The following RTN1 variants were observed in gnomAD, a reference collection of about 807,000 sequenced individuals.
The protein encoded by RTN1 is reticulon 1.
A neutral mutation model predicts 65.5 loss-of-function variants in RTN1; 25 were observed. That is an observed-to-expected ratio of 0.38 (90% CI 0.28 to 0.53). The LOEUF is 0.53. Ranked by LOEUF, RTN1 falls within the 20% of genes least tolerant of loss-of-function variation. RTN1 has a pLI of 0.79. For missense variants in RTN1, 983 were observed against 1,025.4 expected (o/e 0.96, Z 0.57); for synonymous variants, 471 against 447.6 (o/e 1.05, Z -0.66).
At chr14:59,605,574 G>C in intron 4 of RTN1, 68 bp from the exon 5 acceptor site, 1 of 1,546,554 alleles carries the variant, frequency 6.5e-7, no homozygotes, top group Non-Finnish European at 8.9e-7. Flanking sequence ...CCGAACCCCA[G>C]TAACAGCTAA....
At position 59,870,625 on chromosome 14, in the gene RTN1, G is replaced by A. The variant is rs1373158014; in HGVS notation, c.6C>T (p.Ala2=). ...GCTCGTCCTGCGGATCCCCCGGCGC[G>A]GCCATGGCTGGCGGTCCCCCGGCGC... The part of the protein sequence containing the change: M[A]APGDPQDELL... The change falls in exon 1 of 9, where the codon GCC becomes GCT. Residue 2 remains alanine, a synonymous_variant. Coordinates refer to ENST00000267484, the MANE Select transcript of RTN1 (RefSeq NM_021136.3). The surrounding 1 kb of genome is among the most constrained non-coding windows in gnomAD (Gnocchi z 5.1). 2.9e-6 allele frequency: 4 copies of A among 1,403,200 alleles called. No homozygotes were observed. Among genetic ancestry groups the A allele is most frequent in the African/African-American group, 3.0e-5 (2 of 66,532 alleles). The allele number at this position is 1,403,200 out of a possible 1,614,324, so 86.9% of individuals were successfully genotyped here.
rs548221779 is a variant in RTN1 at position 59,801,403 on chromosome 14, C to A, written c.242-54922G>T. On this transcript the variant is annotated intron_variant, in intron 1 of 8. Transcript: ENST00000267484. Reference sequence around the variant, plus strand: ...GAGGAAAGATAAGAACTATAACAGCCTTCTTATCAGAAACTATGCAAGCCA... The same window carrying A: ...GAGGAAAGATAAGAACTATAACAGCATTCTTATCAGAAACTATGCAAGCCA... Among the ~76,000 whole-genome samples the A allele has an allele frequency of 9.9e-5, 15 of 152,206 alleles. 1 individual carries two copies. The East Asian group carries it at 1.5e-3, about 16-fold the overall frequency.
rs1884379242 is a variant in RTN1, at chr14:59,709,922, C to T, written c.1765+16997G>A. Among the ~76,000 whole-genome samples, 5 of 152,024 alleles carry T rather than the reference C, an allele frequency of 3.3e-5. 1 individual carries two copies. Among genetic ancestry groups the T allele is most frequent in the Admixed American group, 3.3e-4 (5 of 15,252 alleles). ...TTTCTCATTGTTCAAAGTTAGCTTC[C>T]CATAAAAAATAACCATAGGGCTGAA... On this transcript the variant is annotated intron_variant, in intron 3 of 8. Coordinates refer to ENST00000267484, the MANE Select transcript of RTN1 (RefSeq NM_021136.3).
At chr14:59,768,784 T>A (rs1329464925) in intron 1 of RTN1, among the ~76,000 whole-genome samples, 1 of 152,224 alleles carries the variant, frequency 6.6e-6, no homozygotes, top group Non-Finnish European at 1.5e-5. Context: ...ATTTAACATT[T>A]CTATATGCTA....
chr14:59,616,721 T>C (rs1238198849), intron 3 of RTN1, among the ~76,000 whole-genome samples: 1 of 152,218 alleles, frequency 6.6e-6, no homozygotes, highest in African/African-American at 2.4e-5. Context: ...CATTTTGTCT[T>C]GCTTTGGTCC....
intron 3 of RTN1, among the ~76,000 whole-genome samples, chr14:59,639,568 T>C (rs555261299): frequency 2.6e-5 from 4 of 152,328 alleles, no homozygotes; most frequent in African/African-American, 9.6e-5. Flanking sequence ...TCCAGTATAA[T>C]GATGAGTAGA....
At chr14:59,773,334 T>C (rs1363853578) in intron 1 of RTN1, among the ~76,000 whole-genome samples, 1 of 152,148 alleles carries the variant, frequency 6.6e-6, no homozygotes, top group Non-Finnish European at 1.5e-5. Flanking sequence ...TTATTAAGTC[T>C]AATAAGGAAA....
At chr14:59,616,350 A>G (rs1882100733) in intron 3 of RTN1, among the ~76,000 whole-genome samples, 2 of 152,176 alleles carry the variant, frequency 1.3e-5, no homozygotes, top group African/African-American at 4.8e-5. Context: ...AAATATTTTT[A>G]TCATCCACAG....
At chr14:59,761,972 G>A (rs1272316080) in intron 1 of RTN1, among the ~76,000 whole-genome samples, 4 of 152,208 alleles carry the variant, frequency 2.6e-5, no homozygotes, top group Non-Finnish European at 5.9e-5. Flanking sequence ...CGGTAATGCT[G>A]TTAGGAACAC....
chr14:59,623,859 C>A (rs1288270938), intron 3 of RTN1, among the ~76,000 whole-genome samples: 1 of 152,162 alleles, frequency 6.6e-6, no homozygotes, highest in Non-Finnish European at 1.5e-5. Context: ...TCTCATTGTA[C>A]CTCTGTTCCA....
chr14:59,630,101 G>C (rs1406797945), intron 3 of RTN1, among the ~76,000 whole-genome samples: 1 of 151,926 alleles, frequency 6.6e-6, no homozygotes, highest in African/African-American at 2.4e-5. Flanking sequence ...GGAACAATAA[G>C]AAAGCACTTT....
At position 59,749,362 on chromosome 14, in the gene RTN1, A is replaced by C. The variant is rs1362951948; in HGVS notation, c.242-2881T>G. On this transcript the variant is annotated intron_variant, in intron 1 of 8. Transcript: ENST00000267484. ...TCTATATATATCTATATATATCTATATATATATCTATATATCTATATCTAT... is the reference window on the plus strand; with the variant it reads ...TCTATATATATCTATATATATCTATCTATATATCTATATATCTATATCTAT... 1.9e-4 allele frequency among the ~76,000 whole-genome samples: 13 copies of C among 69,040 alleles called. 1 individual carries two copies. Among genetic ancestry groups the C allele is most frequent in the South Asian group, 1.7e-3 (4 of 2,312 alleles). 45.3% of individuals were successfully genotyped at this position (69,040 alleles called of 152,430 possible).
In RTN1 at chr14:59,870,641, C is replaced by G. The variant is rs1432839124; in HGVS notation, c.-11G>C. On this transcript the variant is annotated 5_prime_UTR_variant, in exon 1 of 9. Coordinates refer to ENST00000267484, the MANE Select transcript of RTN1 (RefSeq NM_021136.3). The surrounding 1 kb of genome is among the most constrained non-coding windows in gnomAD (Gnocchi z 5.1). The stretch of plus-strand genomic sequence containing the variant: ...CCCCGGCGCGGCCATGGCTGGCGGT[C>G]CCCCGGCGCGGCGACGGCGGCTTGG... 1 of 1,373,038 alleles carries G rather than the reference C, an allele frequency of 7.3e-7. No individual in the cohort carries two copies. Among genetic ancestry groups the G allele is most frequent in the Admixed American group, 3.5e-5 (1 of 28,642 alleles). 85.1% of individuals were successfully genotyped at this position (1,373,038 alleles called of 1,614,324 possible). A position where few individuals can be genotyped will look rare whatever the true frequency, so the allele number is the denominator to read the frequency against.
chr14:59,727,391 A>G lies in RTN1; in HGVS notation c.1293T>C (p.Tyr431=), dbSNP rs746141034. 2 of 1,542,350 alleles carry G rather than the reference A, an allele frequency of 1.3e-6. No individual in the cohort carries two copies. Among genetic ancestry groups the G allele is most frequent in the South Asian group, 1.2e-5 (1 of 83,726 alleles). Residue 431 remains tyrosine, a synonymous_variant, in exon 3 of 9, where the codon TAT becomes TAC. Transcript: ENST00000267484. This position sits in a 1 kb window ranked among gnomAD's most constrained non-coding sequence, Gnocchi z 4.2. ...MAAEDALPSG[Y]VSFGHVGGPP... is the part of the protein sequence containing the mutation. ...GGCCGCCCACGTGGCCAAAGCTCAC[A>G]TAGCCTGAGGGCAGCGCGTCCTCCG...
At chr14:59,703,916 C>T (rs1594688460) in intron 3 of RTN1, among the ~76,000 whole-genome samples, 1 of 152,124 alleles carries the variant, frequency 6.6e-6, no homozygotes, top group East Asian at 1.9e-4. Context: ...CAGGCTGAGG[C>T]CTACTCATCA....
rs926060275 is a variant in RTN1 at position 59,829,718 on chromosome 14, T to C, written c.241+40672A>G. Among the ~76,000 whole-genome samples, 1 of 152,186 alleles carries C rather than the reference T, an allele frequency of 6.6e-6. No individual in the cohort carries two copies. Among genetic ancestry groups the C allele is most frequent in the African/African-American group, 2.4e-5 (1 of 41,446 alleles). On this transcript the variant is annotated intron_variant, in intron 1 of 8. Coordinates refer to ENST00000267484, the MANE Select transcript of RTN1 (RefSeq NM_021136.3). This position sits in a 1 kb window ranked among gnomAD's most constrained non-coding sequence, Gnocchi z 4.3. ...CAGGCAGAGGGAGGCCCCACTCCTG[T>C]GCTTCCACAAAGCAAGAGGAAGGAA... is the stretch of plus-strand genomic sequence containing the variant.
intron 1 of RTN1, among the ~76,000 whole-genome samples, chr14:59,837,920 T>TG (rs1004381367): frequency 1.3e-5 from 2 of 152,078 alleles, no homozygotes; most frequent in Non-Finnish European, 2.9e-5. Flanking sequence ...TGCCTTGATT[T>TG]GGGGGGTTTG....
At chr14:59,610,865 G>A (rs781328167) in intron 3 of RTN1, among the ~76,000 whole-genome samples, 6 of 152,176 alleles carry the variant, frequency 3.9e-5, no homozygotes, top group Non-Finnish European at 7.4e-5. Context: ...TGCACTTGAT[G>A]AATAAGCTGG....
At chr14:59,834,607 T>C (rs994131079) in intron 1 of RTN1, among the ~76,000 whole-genome samples, 2 of 152,126 alleles carry the variant, frequency 1.3e-5, no homozygotes, top group Admixed American at 6.5e-5. Flanking sequence ...ATATGGCATT[T>C]GTAGCACAGA....
Sources: gnomAD v4.1 joint callset for allele counts (sites outside exome capture counted in the v4.1 genomes callset) on GRCh38, gnomAD v4.1.1 for gene constraint, Gnocchi (gnomAD v3.1) non-coding constraint, MANE v1.5 for transcripts, NCBI Gene and HGNC (gene_info 2026-07-23, HGNC 2026-07-21) for gene names.